The following TMEM117 variants were observed in gnomAD, a reference collection of about 807,000 sequenced individuals.
TMEM117 encodes transmembrane protein 117.
Under a neutral mutation model 52.4 loss-of-function variants are expected in TMEM117, and 27 were observed. The observed-to-expected ratio is 0.51, with a 90% CI of 0.38 to 0.71. The LOEUF (loss-of-function observed/expected upper bound fraction) is 0.71, where lower values mean the gene tolerates loss of function less well. Ranked by LOEUF, TMEM117 falls within the 30% of genes least tolerant of loss-of-function variation. The pLI is 0.00. For missense variants in TMEM117, 556 were observed against 630.5 expected (o/e 0.88, Z 1.26); for synonymous variants, 215 against 206.3 (o/e 1.04, Z -0.36).
chr12:43,885,822 A>C (rs1390733596), intron 2 of TMEM117, among the ~76,000 whole-genome samples: 5 of 152,226 alleles, frequency 3.3e-5, no homozygotes, highest in African/African-American at 1.2e-4. Context: ...AGAGGTAACC[A>C]GTGAAGGCTT....
At chr12:43,814,735 AATC>A in the TMEM117 span, among the ~76,000 whole-genome samples, 1 of 146,362 alleles carries the variant, frequency 6.8e-6, no homozygotes, top group Non-Finnish European at 1.5e-5. Context: ...CCTGGGTTTG[AATC>A]TTTTTTTTTT....
At chr12:44,324,930 G>A (rs182054386) in intron 6 of TMEM117, among the ~76,000 whole-genome samples, 15 of 152,266 alleles carry the variant, frequency 9.9e-5, no homozygotes, top group African/African-American at 3.6e-4. Flanking sequence ...ATTCCTGGAA[G>A]TGGAATTGTT....
At chr12:44,136,235 G>A (rs888747536) in intron 3 of TMEM117, among the ~76,000 whole-genome samples, 2 of 152,052 alleles carry the variant, frequency 1.3e-5, no homozygotes, top group South Asian at 2.1e-4. Context: ...TTTAAAGCTT[G>A]GTTATCTGTA....
At chr12:43,821,026 C>T in the TMEM117 span, among the ~76,000 whole-genome samples, 1 of 149,846 alleles carries the variant, frequency 6.7e-6, no homozygotes, top group African/African-American at 2.5e-5. Flanking sequence ...ACCCGGGAGG[C>T]GGAGCTTGCA....
In TMEM117 at chr12:43,844,700, A is replaced by G; in HGVS notation, c.49A>G (p.Ile17Val). 2 of 1,614,200 alleles carry G rather than the reference A, an allele frequency of 1.2e-6. No homozygotes were observed. The highest frequency in any genetic ancestry group is 1.7e-6 in the Non-Finnish European group (2 of 1,180,028). ...TTTCCAGCATCCCTGGTCTCGCATGATTGTGGCTTACTTGGTGATCTTCTT... is the reference window on the plus strand; with the variant it reads ...TTTCCAGCATCCCTGGTCTCGCATGGTTGTGGCTTACTTGGTGATCTTCTT... ...YYFQHPWSRM[I>V]VAYLVIFFNF... Residue 17 changes from isoleucine to valine, a missense_variant, in exon 2 of 8, where the codon ATT becomes GTT. By Grantham distance (29) the Ile-to-Val change is conservative. This residue lies in a region of TMEM117 where 328 missense variants were observed against 371.4 expected (regional missense o/e 0.88). Transcript: ENST00000266534.
chr12:44,282,145 G>A (rs139784594), intron 5 of TMEM117, among the ~76,000 whole-genome samples: 26 of 151,814 alleles, frequency 1.7e-4, no homozygotes, highest in African/African-American at 3.1e-4. Flanking sequence ...AGTGCCTTTC[G>A]CCTCCCACCA....
chr12:44,195,632 T>C (rs1332457488), intron 4 of TMEM117, among the ~76,000 whole-genome samples: 1 of 151,178 alleles, frequency 6.6e-6, no homozygotes, highest in East Asian at 1.9e-4. Context: ...ATAGTTATAT[T>C]GCTGTCTAGC....
chr12:44,242,696 GTA>G (rs2076304439), intron 5 of TMEM117, among the ~76,000 whole-genome samples: 1 of 131,034 alleles, frequency 7.6e-6, no homozygotes, highest in Non-Finnish European at 1.6e-5. Context: ...TATTATATAT[GTA>G]TATAGATATC....
At chr12:44,223,911 C>T (rs891881321) in intron 5 of TMEM117, among the ~76,000 whole-genome samples, 1 of 152,170 alleles carries the variant, frequency 6.6e-6, no homozygotes, top group East Asian at 1.9e-4. Context: ...TGGCTTGGCC[C>T]TTCCAGAAGA....
intron 5 of TMEM117, among the ~76,000 whole-genome samples, chr12:44,245,534 T>C (rs1281487089): frequency 2.0e-5 from 3 of 151,482 alleles, no homozygotes; most frequent in Admixed American, 6.6e-5. Flanking sequence ...CTAATGTTTA[T>C]ATTGATTTTA....
At chr12:43,853,603 G>A (rs1943348884) in intron 2 of TMEM117, among the ~76,000 whole-genome samples, 1 of 152,176 alleles carries the variant, frequency 6.6e-6, no homozygotes, top group South Asian at 2.1e-4. Context: ...GTAAGATATA[G>A]AAAGGTATTT....
At chr12:44,300,871 G>A (rs796607189) in intron 6 of TMEM117, among the ~76,000 whole-genome samples, 29 of 152,240 alleles carry the variant, frequency 1.9e-4, no homozygotes, top group African/African-American at 7.0e-4. Context: ...GACAGCACTG[G>A]CAGGTTCTAG....
chr12:43,870,456 A>C (rs1305604178), intron 2 of TMEM117, among the ~76,000 whole-genome samples: 1 of 151,804 alleles, frequency 6.6e-6, no homozygotes, highest in Non-Finnish European at 1.5e-5. Context: ...ACGGGATTTC[A>C]CCATGTTGGC....
chr12:44,392,662 A>T (rs1208899317), downstream of TMEM117, among the ~76,000 whole-genome samples: 2 of 143,334 alleles, frequency 1.4e-5, no homozygotes, highest in Non-Finnish European at 3.1e-5. Context: ...TCCTAATGCT[A>T]TCCCTCCCCC....
intron 6 of TMEM117, among the ~76,000 whole-genome samples, chr12:44,374,616 TTGTGTGTGTGTGTG>T (rs5742462): frequency 2.1e-5 from 3 of 144,912 alleles, no homozygotes; most frequent in East Asian, 2.1e-4. Flanking sequence ...AAGGAACTAT[TTGTGTGTGTGTGTG>T]TGTGTGTGTG....
chr12:44,102,676 A>AT lies in TMEM117; in HGVS notation c.411-40842dup, dbSNP rs554869526. Reference sequence around the variant, plus strand: ...TAGTCCAAACACCACTATTCTACCTATTTTTTTGGTCTTAAGTTCCTCATA... The same window carrying AT: ...TAGTCCAAACACCACTATTCTACCTATTTTTTTTGGTCTTAAGTTCCTCATA... On this transcript the variant is annotated intron_variant, in intron 3 of 7. Coordinates refer to ENST00000266534, the MANE Select transcript of TMEM117 (RefSeq NM_032256.3). Among the ~76,000 whole-genome samples, 493 of 151,928 alleles carry AT rather than the reference A, an allele frequency of 3.2e-3. 4 individuals carry two copies. The highest frequency in any genetic ancestry group is 0.015 in the South Asian group (71 of 4,816).
At chr12:43,809,507 T>C in the TMEM117 span, among the ~76,000 whole-genome samples, 42 of 152,214 alleles carry the variant, frequency 2.8e-4, no homozygotes, top group Non-Finnish European at 4.4e-4. Flanking sequence ...CAATGTATGT[T>C]AGGCTTCATA....
chr12:44,130,887 A>G (rs1165645049), intron 3 of TMEM117, among the ~76,000 whole-genome samples: 8 of 152,004 alleles, frequency 5.3e-5, no homozygotes, highest in Non-Finnish European at 7.4e-5. Context: ...CATTTCTGAC[A>G]TTGATTTCTG....
intron 2 of TMEM117, among the ~76,000 whole-genome samples, chr12:43,915,443 AC>A (rs1944584950): frequency 1.3e-5 from 2 of 152,088 alleles, no homozygotes; most frequent in East Asian, 3.9e-4. Flanking sequence ...ACCCTTTCTT[AC>A]CACCTGACCT....
Sources: gnomAD v4.1 joint callset for allele counts (sites outside exome capture counted in the v4.1 genomes callset) on GRCh38, gnomAD v4.1.1 for gene constraint, gnomAD v4.1.1 regional missense constraint, MANE v1.5 for transcripts, NCBI Gene and HGNC (gene_info 2026-07-23, HGNC 2026-07-21) for gene names.